The following SLC14A2 variants were observed in gnomAD, a reference collection of about 807,000 sequenced individuals.
The protein encoded by SLC14A2 is solute carrier family 14 member 2, also known as urea transporter 2.
A neutral mutation model predicts 104.6 loss-of-function variants in SLC14A2; 91 were observed. That is an observed-to-expected ratio of 0.87 (90% CI 0.73 to 1.04). The LOEUF (loss-of-function observed/expected upper bound fraction) is 1.04, where lower values mean the gene tolerates loss of function less well. SLC14A2 is among the 50% of genes least tolerant of loss of function. The probability of loss-of-function intolerance (pLI) is 0.00; values close to 1 mark genes in which losing one functional copy is unlikely to be tolerated. For synonymous variants in SLC14A2, 476 were observed against 466.4 expected, an observed-to-expected ratio of 1.02 and a Z score of -0.27; for missense variants, 1,189 against 1,156.0, an observed-to-expected ratio of 1.03 and a Z score of -0.41.
intron 1 of SLC14A2, among the ~76,000 whole-genome samples, chr18:45,426,608 C>CTA (rs894699292): frequency 1.5e-4 from 22 of 145,722 alleles, no homozygotes; most frequent in South Asian, 1.3e-3. Context: ...CATATATGTA[C>CTA]TATATATATA....
intron 2 of SLC14A2, among the ~76,000 whole-genome samples, chr18:45,565,557 A>G (rs2044255234): frequency 6.6e-6 from 1 of 152,216 alleles, no homozygotes; most frequent in Non-Finnish European, 1.5e-5. Flanking sequence ...CGTCGTGGAT[A>G]TCAGTCTGAC....
At chr18:45,274,259 G>A (rs1044854060) in intron 1 of SLC14A2, among the ~76,000 whole-genome samples, 1 of 152,164 alleles carries the variant, frequency 6.6e-6, no homozygotes, top group Non-Finnish European at 1.5e-5. Context: ...TGCAAGATGT[G>A]TGTTGTTCTT....
intron 10 of SLC14A2, among the ~76,000 whole-genome samples, chr18:45,660,300 G>C (rs2045918107): frequency 6.6e-6 from 1 of 152,122 alleles, no homozygotes; most frequent in Non-Finnish European, 1.5e-5. Flanking sequence ...AAGAACATAT[G>C]ATTAACTCTT....
At chr18:45,360,715 T>G (rs532846346) in intron 1 of SLC14A2, among the ~76,000 whole-genome samples, 204 of 152,342 alleles carry the variant, frequency 1.3e-3, no homozygotes, top group Middle Eastern at 0.01. Flanking sequence ...GTAAACTGAT[T>G]TATTAAAATA....
intron 2 of SLC14A2, among the ~76,000 whole-genome samples, chr18:45,505,011 G>C (rs1210081638): frequency 1.3e-5 from 2 of 152,100 alleles, no homozygotes; most frequent in African/African-American, 4.8e-5. Flanking sequence ...TGCCTTTGTT[G>C]GTTTCCTTAG....
chr18:45,329,610 G>A (rs961705675), intron 1 of SLC14A2, among the ~76,000 whole-genome samples: 1 of 152,112 alleles, frequency 6.6e-6, no homozygotes, highest in Non-Finnish European at 1.5e-5. Flanking sequence ...TTTCTCAATT[G>A]CCACCAGCCT....
intron 2 of SLC14A2, among the ~76,000 whole-genome samples, chr18:45,550,464 G>C (rs1053549909): frequency 6.6e-6 from 1 of 152,162 alleles, no homozygotes; most frequent in Non-Finnish European, 1.5e-5. Flanking sequence ...CTCACAGTCT[G>C]TCTCCTCCAC....
At chr18:45,519,769 T>C (rs1288801424) in intron 2 of SLC14A2, among the ~76,000 whole-genome samples, 1 of 152,218 alleles carries the variant, frequency 6.6e-6, no homozygotes, top group East Asian at 1.9e-4. Context: ...ACCCGTGCTG[T>C]TACTCCGGGA....
intron 1 of SLC14A2, among the ~76,000 whole-genome samples, chr18:45,306,351 G>A (rs538277011): frequency 6.6e-6 from 1 of 152,304 alleles, no homozygotes; most frequent in East Asian, 1.9e-4. Flanking sequence ...GGAGTAAAAT[G>A]CTTTAGTGCA....
At chr18:45,300,623 A>C (rs12456183) in intron 1 of SLC14A2, among the ~76,000 whole-genome samples, 3,381 of 152,268 alleles carry the variant, frequency 0.022, 59 homozygotes, top group African/African-American at 0.028. Context: ...TTTTTCCATA[A>C]ATAAAAATAA....
chr18:45,393,657 C>T (rs2085996467), intron 1 of SLC14A2, among the ~76,000 whole-genome samples: 1 of 152,196 alleles, frequency 6.6e-6, no homozygotes, highest in Non-Finnish European at 1.5e-5. Context: ...CCAGTTCATC[C>T]AGTCTGGATT....
intron 1 of SLC14A2, among the ~76,000 whole-genome samples, chr18:45,336,807 T>C (rs1037128322): frequency 6.6e-6 from 1 of 152,320 alleles, no homozygotes; most frequent in African/African-American, 2.4e-5. Context: ...CTTCATCAAC[T>C]GGCCTCTGTC....
chr18:45,437,109 C>T (rs1026488348), intron 1 of SLC14A2, among the ~76,000 whole-genome samples: 3 of 152,220 alleles, frequency 2.0e-5, no homozygotes, highest in Admixed American at 6.5e-5. Flanking sequence ...CGCTAATGGA[C>T]GCACGCATGA....
intron 2 of SLC14A2, among the ~76,000 whole-genome samples, chr18:45,606,735 AAAAAAAAAAAAAC>A (rs1338228888): frequency 5.1e-5 from 3 of 58,998 alleles, no homozygotes; most frequent in African/African-American, 1.6e-4. Context: ...AAGTCTAATT[AAAAAAAAAAAAAC>A]AAAACAAAAA....
intron 1 of SLC14A2, among the ~76,000 whole-genome samples, chr18:45,239,014 A>G (rs2084284451): frequency 1.3e-5 from 2 of 152,252 alleles, no homozygotes; most frequent in African/African-American, 4.8e-5. Flanking sequence ...ATAAGTGTAT[A>G]TAAGATAAAA....
chr18:45,667,949 C>T lies in SLC14A2; in HGVS notation c.1834C>T (p.Pro612Ser), dbSNP rs754084181. The T allele has an allele frequency of 1.9e-6, 3 of 1,614,020 alleles. No individual in the cohort carries two copies. The highest frequency in any genetic ancestry group is 4.5e-5 in the East Asian group (2 of 44,890). The change falls in exon 14 of 20, where the codon CCC becomes TCC. Residue 612 changes from proline (P) to serine (S), a missense_variant. Physicochemically the swap from Pro to Ser is moderately conservative, Grantham distance 74. Coordinates refer to ENST00000255226, the MANE Select transcript of SLC14A2 (RefSeq NM_007163.4). The part of the protein sequence containing the change: ...LIILGLFIQN[P>S]WWAISGCLGT... Reference sequence around the variant, plus strand: ...CATCCTCGGCCTCTTCATCCAGAACCCCTGGTGGGCGATCTCAGGCTGCCT... The same window carrying T: ...CATCCTCGGCCTCTTCATCCAGAACTCCTGGTGGGCGATCTCAGGCTGCCT...
chr18:45,640,275 TAA>T (rs879699022), intron 7 of SLC14A2, among the ~76,000 whole-genome samples: 2 of 140,698 alleles, frequency 1.4e-5, no homozygotes. Flanking sequence ...GACTCCGTCT[TAA>T]AAAAAAAAAA....
intron 10 of SLC14A2, among the ~76,000 whole-genome samples, chr18:45,651,069 C>G (rs1281053192): frequency 6.6e-6 from 1 of 152,120 alleles, no homozygotes; most frequent in East Asian, 1.9e-4. Context: ...CCTATCTTTC[C>G]ATTACCTGCA....
chr18:45,174,294 TTTC>T, the SLC14A2 span, among the ~76,000 whole-genome samples: 5 of 152,148 alleles, frequency 3.3e-5, no homozygotes, highest in Non-Finnish European at 5.9e-5. Context: ...CCTGGCCATT[TTTC>T]TTCTTTACTG....
Sources: gnomAD v4.1 joint callset for allele counts (sites outside exome capture counted in the v4.1 genomes callset) on GRCh38, gnomAD v4.1.1 for gene constraint, MANE v1.5 for transcripts, NCBI Gene and HGNC (gene_info 2026-07-23, HGNC 2026-07-21) for gene names.